TCERG1: variants seen among roughly 807,000 people sequenced by gnomAD.
TCERG1 encodes transcription elongation regulator 1.
A neutral mutation model predicts 144.7 loss-of-function variants in TCERG1; 37 were observed. The observed-to-expected ratio is 0.26, with a 90% confidence interval of 0.20 to 0.34. The LOEUF (loss-of-function observed/expected upper bound fraction) is 0.34. Among genes scored for constraint, TCERG1 ranks in the 10% least tolerant of loss-of-function variants. The pLI, the probability that TCERG1 is intolerant of heterozygous loss-of-function variation, is 1.00. For synonymous variants in TCERG1, 492 were observed against 458.2 expected (o/e 1.07, Z -0.94); for missense variants, 1,027 against 1,380.7 (o/e 0.74, Z 4.06).
chr5:146,455,410 C>T, intron 2 of TCERG1, 129 bp downstream of exon 2: 1 of 1,031,192 alleles, frequency 9.7e-7, no homozygotes. Flanking sequence ...AGAGAAGATC[C>T]ATATATTAAT....
Position 146,459,323 on chromosome 5 carries a change from C to T in TCERG1, c.878C>T (p.Ala293Val), listed in dbSNP as rs758260296. The change falls in exon 4 of 23, where the codon GCG becomes GTG. Residue 293 changes from alanine (A) to valine (V), a missense_variant. This residue lies in a region of TCERG1 where 187 missense variants were observed against 169.1 expected (regional missense o/e 1.11). Coordinates refer to ENST00000679501, the MANE Select transcript of TCERG1 (RefSeq NM_001382548.1). ...TSTTTTATSV[A>V]QTVSTPTTQD... ...ACCACAACAACTGCTACTTCAGTTG[C>T]GCAGACAGTATCAAGTGAGTACCAC... 1.1e-5 allele frequency: 17 copies of T among 1,613,918 alleles called. No individual in the cohort carries two copies. The highest frequency in any genetic ancestry group is 3.3e-5 in the South Asian group (3 of 91,044).
intron 16 of TCERG1, among the ~76,000 whole-genome samples, chr5:146,498,177 A>G (rs1581554109): frequency 1.3e-5 from 2 of 152,276 alleles, no homozygotes; most frequent in South Asian, 2.1e-4. Flanking sequence ...GAGCTAATCC[A>G]ATAAGAATTT....
chr5:146,487,767 A>G (rs1765989376), intron 15 of TCERG1, among the ~76,000 whole-genome samples: 1 of 152,020 alleles, frequency 6.6e-6, no homozygotes, highest in Admixed American at 6.6e-5. Context: ...ATTTTTGTGA[A>G]ACCAAAAAAG....
intron 16 of TCERG1, among the ~76,000 whole-genome samples, chr5:146,495,417 A>G (rs1251951897): frequency 1.3e-5 from 2 of 152,196 alleles, no homozygotes; most frequent in African/African-American, 4.8e-5. Flanking sequence ...TTATCATGAA[A>G]ATAAAACATT....
At chr5:146,489,195 T>C (rs769488662) in intron 15 of TCERG1, among the ~76,000 whole-genome samples, 3 of 152,148 alleles carry the variant, frequency 2.0e-5, no homozygotes, top group Non-Finnish European at 4.4e-5. Context: ...AAGGAGGATA[T>C]TAAACGTTTT....
intron 17 of TCERG1, among the ~76,000 whole-genome samples, chr5:146,499,057 A>G (rs1318034043): frequency 6.6e-6 from 1 of 152,204 alleles, no homozygotes; most frequent in Admixed American, 6.5e-5. Context: ...TGCCCTCTAA[A>G]AGATAGCATT....
At chr5:146,485,536 A>G (rs1235430267) in intron 15 of TCERG1, among the ~76,000 whole-genome samples, 1 of 152,180 alleles carries the variant, frequency 6.6e-6, no homozygotes, top group Admixed American at 6.6e-5. Context: ...CATATTGAGA[A>G]CTATAGTTCT....
chr5:146,497,599 T>C (rs1167589200), intron 16 of TCERG1, among the ~76,000 whole-genome samples: 1 of 152,236 alleles, frequency 6.6e-6, no homozygotes, highest in Non-Finnish European at 1.5e-5. Context: ...GTGGCTAATA[T>C]ATAGAGACTC....
At chr5:146,502,430 T>C (rs1405088016) in intron 17 of TCERG1, among the ~76,000 whole-genome samples, 1 of 152,144 alleles carries the variant, frequency 6.6e-6, no homozygotes, top group Non-Finnish European at 1.5e-5. Flanking sequence ...GAGTACAAAG[T>C]AGTATACATG....
chr5:146,470,806 T>TTGTATC, intron 8 of TCERG1, 58 bp downstream of exon 8: 1 of 1,245,402 alleles, frequency 8.0e-7, no homozygotes, highest in South Asian at 1.4e-5. Context: ...TACAGCTTAC[T>TTGTATC]TGTATCTGAG....
At chr5:146,483,655 G>T (rs1404300270) in intron 15 of TCERG1, 26 bp downstream of exon 15, 1 of 1,472,028 alleles carries the variant, frequency 6.8e-7, no homozygotes, top group Non-Finnish European at 9.4e-7. Context: ...CATTAACTAA[G>T]AATGTATATC....
intron 9 of TCERG1, among the ~76,000 whole-genome samples, chr5:146,477,599 T>C (rs1297401939): frequency 6.6e-6 from 1 of 152,066 alleles, no homozygotes; most frequent in Non-Finnish European, 1.5e-5. Context: ...TTTTTTTTCC[T>C]TTGAGTTTTC....
Position 146,470,751 on chromosome 5 carries a change from A to G in TCERG1, c.1512+3A>G. On this transcript the variant is annotated splice_donor_region_variant and intron_variant, in intron 8 of 22. Transcript: ENST00000679501. The stretch of plus-strand genomic sequence containing the variant: ...AGCCTATAAAGGAGATAAAGGAGGT[A>G]AAGGGCCATGACCTGTTAACCTGGG... The G allele has an allele frequency of 6.2e-7, 1 of 1,602,396 alleles. No individual in the cohort carries two copies. Among genetic ancestry groups the G allele is most frequent in the Non-Finnish European group, 8.5e-7 (1 of 1,175,592 alleles).
At position 146,498,646 on chromosome 5, in the gene TCERG1, G is replaced by A. The variant is rs141429873; in HGVS notation, c.2393G>A (p.Arg798Lys). The change falls in exon 17 of 23, where the codon AGG (arginine) becomes AAG (lysine). Residue 798 changes from arginine to lysine, a missense_variant. Physicochemically the swap from Arg to Lys is conservative, Grantham distance 26. Coordinates refer to ENST00000679501, the MANE Select transcript of TCERG1 (RefSeq NM_001382548.1). ...ALFNEFVAAA[R>K]KKEKEDSKTR... Reference sequence around the variant, plus strand: ...TTTAATGAGTTTGTGGCCGCTGCTAGGAAGAAAGAGAAAGAAGATTCGAAG... The same window carrying A: ...TTTAATGAGTTTGTGGCCGCTGCTAAGAAGAAAGAGAAAGAAGATTCGAAG... 61 of 1,610,606 alleles carry A rather than the reference G, an allele frequency of 3.8e-5. No individual in the cohort carries two copies. The African/African-American group carries it at 7.0e-4, about 18-fold the overall frequency.
rs145410905 is a variant in TCERG1, at chr5:146,478,069, A to G, written c.1602-424A>G. Among the ~76,000 whole-genome samples the G allele has an allele frequency of 5.3e-3, 805 of 152,252 alleles. 11 individuals are homozygous for G. Among genetic ancestry groups the G allele is most frequent in the African/African-American group, 0.017 (726 of 41,542 alleles). On this transcript the variant is annotated intron_variant, in intron 9 of 22. Coordinates refer to ENST00000679501, the MANE Select transcript of TCERG1 (RefSeq NM_001382548.1). ...TCTTCATAGAAGGTTGCATTTCAGT[A>G]TGTAGTTTTGGTTTGTTAAGAAATA...
At chr5:146,508,554 T>C (rs574562284) in intron 21 of TCERG1, among the ~76,000 whole-genome samples, 1 of 152,370 alleles carries the variant, frequency 6.6e-6, no homozygotes, top group South Asian at 2.1e-4. Flanking sequence ...AAAATATGCA[T>C]GACTGGGAAA....
rs573465984 is a variant in TCERG1, at chr5:146,506,400, G to A, written c.2782-628G>A. ...AAAATTGTTTTGAGAAGTCATAATT[G>A]TATATACTTACGGGGTACAGTTGCT... On this transcript the variant is annotated intron_variant, in intron 19 of 22. Transcript: ENST00000679501. Among the ~76,000 whole-genome samples the A allele has an allele frequency of 2.3e-4, 35 of 152,186 alleles. No individual in the cohort carries two copies. In the South Asian group the frequency reaches 6.9e-3, roughly 30 times the overall value.
chr5:146,460,267 A>G (rs1763219247), intron 4 of TCERG1, among the ~76,000 whole-genome samples: 1 of 152,152 alleles, frequency 6.6e-6, no homozygotes, highest in Admixed American at 6.5e-5. Flanking sequence ...GGACACAGCT[A>G]TTAATTTGCT....
rs1290763397 is a variant in TCERG1, at chr5:146,507,249, T to G, written c.2961+42T>G. ...TTTCTCATTTTAATCTGGATGAATC[T>G]TGTTAGTAATTTCTTAAAGCAAAGC... On this transcript the variant is annotated intron_variant, in intron 20 of 22. Transcript: ENST00000679501. The surrounding 1 kb of genome is among the most constrained non-coding windows in gnomAD (Gnocchi z 4.6). The G allele has an allele frequency of 3.3e-6, 5 of 1,498,974 alleles. No individual in the cohort carries two copies. Among genetic ancestry groups the G allele is most frequent in the Non-Finnish European group, 4.5e-6 (5 of 1,123,042 alleles). The allele number at this position is 1,498,974 out of a possible 1,614,324, so 92.9% of individuals were successfully genotyped here. A position where few individuals can be genotyped will look rare whatever the true frequency, so the allele number is the denominator to read the frequency against.
Sources: allele counts gnomAD v4.1 joint callset (sites outside exome capture counted in the v4.1 genomes callset), GRCh38; gene constraint gnomAD v4.1.1; regional missense constraint gnomAD v4.1.1; non-coding constraint Gnocchi (gnomAD v3.1); transcripts MANE v1.5; gene names NCBI Gene and HGNC (gene_info 2026-07-23, HGNC 2026-07-21).